The following PCDHA1 variants were observed in gnomAD, a reference collection of about 807,000 sequenced individuals.
PCDHA1 encodes protocadherin alpha-1.
Under a neutral mutation model 61.3 loss-of-function variants are expected in PCDHA1, and 42 were observed. The observed-to-expected ratio is 0.69, with a 90% CI of 0.54 to 0.89. PCDHA1 has a LOEUF of 0.89. Among genes scored for constraint, PCDHA1 ranks in the 40% least tolerant of loss-of-function variants. The pLI is 0.00. For missense variants in PCDHA1, 1,256 were observed against 1,235.3 expected, an observed-to-expected ratio of 1.02 and a Z score of -0.25; for synonymous variants, 610 against 553.8, an observed-to-expected ratio of 1.10 and a Z score of -1.43.
chr5:140,830,074 G>A (rs2150180698), intron 1 of PCDHA1: 47 of 1,613,584 alleles, frequency 2.9e-5, no homozygotes, highest in East Asian at 4.5e-5. Context: ...CGCTGACAGC[G>A]ACGGCCACGG....
intron 1 of PCDHA1, among the ~76,000 whole-genome samples, chr5:140,903,809 G>A (rs1004701576): frequency 2.0e-5 from 3 of 152,080 alleles, no homozygotes; most frequent in African/African-American, 7.2e-5. Flanking sequence ...GACAAGTATA[G>A]TTCTCACATG....
intron 3 of PCDHA1, among the ~76,000 whole-genome samples, chr5:141,005,783 C>T (rs79683532): frequency 0.097 from 14,322 of 148,270 alleles, 898 homozygotes; most frequent in African/African-American, 0.18. Context: ...TGTAAAGATC[C>T]TGAGGCAAAA....
At chr5:140,806,703 T>G (rs1251029622) in intron 1 of PCDHA1, among the ~76,000 whole-genome samples, 1 of 152,232 alleles carries the variant, frequency 6.6e-6, no homozygotes, top group Non-Finnish European at 1.5e-5. Flanking sequence ...GAATCTGTAA[T>G]GAATTTTTCT....
At chr5:140,922,386 T>G (rs1554200798) in intron 1 of PCDHA1, among the ~76,000 whole-genome samples, 1 of 152,194 alleles carries the variant, frequency 6.6e-6, no homozygotes, top group African/African-American at 2.4e-5. Context: ...AACCAAAGAC[T>G]CCTTGTTTTG....
chr5:140,788,579 C>T lies in PCDHA1; in HGVS notation c.2289C>T (p.Gly763=), dbSNP rs1554118293. The T allele has an allele frequency of 1.2e-6, 2 of 1,614,044 alleles. No homozygotes were observed. The highest frequency in any genetic ancestry group is 8.5e-7 in the Non-Finnish European group (1 of 1,179,950). Residue 763 remains glycine (G), a synonymous_variant, in exon 1 of 4, where the codon GGC becomes GGT. Transcript: ENST00000504120. ...GGCAGAGGGTGTGCTCTAGCGAGGG[C>T]CCACCCAAGACCGACCTCATGGCCT... ...QRRQRVCSSE[G]PPKTDLMAFS...
At chr5:140,830,150 G>GTTT (rs1770856321) in intron 1 of PCDHA1, 1 of 1,613,300 alleles carries the variant, frequency 6.2e-7, no homozygotes, top group East Asian at 2.2e-5. Context: ...GGTGGGCGCC[G>GTTT]CGGGCCCAGA....
At chr5:140,808,357 G>C in intron 1 of PCDHA1, 1 of 1,614,204 alleles carries the variant, frequency 6.2e-7, no homozygotes, top group Non-Finnish European at 8.5e-7. Context: ...GCTCCTTGAC[G>C]TCCCACGTCC....
intron 1 of PCDHA1, chr5:140,815,742 T>A (rs1251278764): frequency 6.6e-6 from 1 of 152,198 alleles, no homozygotes; most frequent in Non-Finnish European, 1.5e-5. Context: ...AAAGGCCCCC[T>A]CTTAACATTT....
At chr5:140,897,667 A>G (rs2066254740) in intron 1 of PCDHA1, among the ~76,000 whole-genome samples, 1 of 152,134 alleles carries the variant, frequency 6.6e-6, no homozygotes, top group Non-Finnish European at 1.5e-5. Context: ...ATGTGTCTTT[A>G]TAGCAGCATG....
At chr5:140,841,468 G>T (rs1777250619) in intron 1 of PCDHA1, 7 of 1,612,868 alleles carry the variant, frequency 4.3e-6, no homozygotes, top group African/African-American at 1.3e-5. Context: ...GCCGGATCGC[G>T]CAGGACCTGG....
chr5:140,883,302 A>T (rs1177736093), intron 1 of PCDHA1: 1 of 1,613,992 alleles, frequency 6.2e-7, no homozygotes, highest in African/African-American at 1.3e-5. Context: ...GATGTAAATG[A>T]TAACGCCCCA....
chr5:140,801,843 G>C, intron 1 of PCDHA1: 2 of 1,614,048 alleles, frequency 1.2e-6, no homozygotes, highest in Non-Finnish European at 1.7e-6. Flanking sequence ...AACAGCAATT[G>C]ATGGTGGGAA....
At chr5:140,828,520 C>G in intron 1 of PCDHA1, 4 of 1,614,198 alleles carry the variant, frequency 2.5e-6, no homozygotes, top group Middle Eastern at 1.6e-4. Flanking sequence ...TGCTGATTTA[C>G]GAATCTAGGC....
chr5:140,787,463 C>A lies in PCDHA1; in HGVS notation c.1173C>A (p.Pro391=). The change falls in exon 1 of 4, where the codon CCC becomes CCA. Residue 391 remains proline (P), a synonymous_variant. Transcript: ENST00000504120. The part of the protein sequence containing the change: ...ANGQVTCSLM[P]HVPFKLVSTF... ...GGCAGGTGACTTGCTCCTTAATGCC[C>A]CACGTCCCCTTCAAGCTGGTGTCCA... 1 of 1,614,234 alleles carries A rather than the reference C, an allele frequency of 6.2e-7. No individual in the cohort carries two copies. Among genetic ancestry groups the A allele is most frequent in the East Asian group, 2.2e-5 (1 of 44,882 alleles).
intron 1 of PCDHA1, chr5:140,863,962 C>T (rs1378381215): frequency 6.4e-6 from 1 of 155,852 alleles, no homozygotes; most frequent in Non-Finnish European, 1.4e-5. Context: ...GATTAGGCCA[C>T]TGCACTACAG....
intron 1 of PCDHA1, chr5:140,808,201 G>A (rs1351176150): frequency 6.2e-7 from 1 of 1,614,106 alleles, no homozygotes; most frequent in Non-Finnish European, 8.5e-7. Flanking sequence ...GAGTTATTGT[G>A]GAAGTAGAAG....
intron 1 of PCDHA1, chr5:140,883,531 T>G: frequency 6.2e-7 from 1 of 1,614,210 alleles, no homozygotes; most frequent in Non-Finnish European, 8.5e-7. Flanking sequence ...TATCAGCCTA[T>G]GAACTGGTGG....
intron 1 of PCDHA1, among the ~76,000 whole-genome samples, chr5:140,846,775 G>A (rs1476675003): frequency 6.7e-6 from 1 of 149,304 alleles, no homozygotes; most frequent in East Asian, 1.9e-4. Context: ...ATCATGTCAG[G>A]AATTATTACT....
At chr5:140,854,731 T>A (rs536045745) in intron 1 of PCDHA1, 2 of 150,048 alleles carry the variant, frequency 1.3e-5, no homozygotes, top group Admixed American at 1.3e-4. Flanking sequence ...TCAAGTTTTT[T>A]TCAGCAGCAC....
Sources: allele counts gnomAD v4.1 joint callset (sites outside exome capture counted in the v4.1 genomes callset), GRCh38; gene constraint gnomAD v4.1.1; transcripts MANE v1.5; gene names NCBI Gene and HGNC (gene_info 2026-07-23, HGNC 2026-07-21).